The following TG variants were observed in gnomAD, a reference collection of about 807,000 sequenced individuals.
TG encodes the protein thyroglobulin.
TG carries 270 observed loss-of-function variants against 324.7 expected under a neutral mutation model. The ratio of observed to expected loss-of-function variants is 0.83; its 90% CI spans 0.75 to 0.92. The LOEUF is 0.92. TG is among the 40% of genes least tolerant of loss of function. The probability of loss-of-function intolerance (pLI) is 0.00; values close to 1 mark genes in which losing one functional copy is unlikely to be tolerated. For missense variants in TG, 3,591 were observed against 3,456.4 expected (o/e 1.04, Z -0.98); for synonymous variants, 1,401 against 1,327.0 (o/e 1.06, Z -1.21).
rs1815529078 is a variant in TG, at chr8:132,887,102, T to G, written c.1730T>G (p.Phe577Cys). 6.2e-7 allele frequency: 1 copy of G among 1,614,100 alleles called. No homozygotes were observed. The highest frequency in any genetic ancestry group is 1.3e-5 in the African/African-American group (1 of 74,940). Residue 577 changes from phenylalanine to cysteine, a missense_variant, in exon 9 of 48, where the codon TTC becomes TGC. By Grantham distance (205) the Phe-to-Cys change is radical. Transcript: ENST00000220616. ...FLASLLELPE[F>C]LLFLQHAISV... ...GCTTCTCTCCTGGAGCTTCCAGAAT[T>G]CCTTCTCTTCTTGCAACATGCTATC...
intron 8 of TG, 198 bp downstream of exon 8, chr8:132,883,197 G>A (rs1422836185): frequency 4.2e-5 from 26 of 616,178 alleles, no homozygotes; most frequent in Middle Eastern, 4.4e-4. Context: ...AGACCTCGTT[G>A]CATTTTCAGG....
chr8:132,986,925 A>G (rs1339201420), intron 35 of TG, among the ~76,000 whole-genome samples: 1 of 152,234 alleles, frequency 6.6e-6, no homozygotes, highest in East Asian at 1.9e-4. Context: ...AAATTTATAG[A>G]TAAAGAGTGT....
chr8:132,922,310 T>C (rs1435304721), intron 21 of TG, among the ~76,000 whole-genome samples: 1 of 152,170 alleles, frequency 6.6e-6, no homozygotes, highest in African/African-American at 2.4e-5. Flanking sequence ...GAGGTATTCA[T>C]CCATGGATTT....
intron 20 of TG, 22 bp from the exon 21 acceptor site, chr8:132,919,354 T>G (rs780863924): frequency 1.1e-5 from 17 of 1,612,256 alleles, no homozygotes; most frequent in Non-Finnish European, 1.4e-5. Flanking sequence ...ATTTTTAACA[T>G]CATTTCTCTG....
chr8:132,886,728 G>C lies in TG; in HGVS notation c.1356G>C (p.Gly452=), dbSNP rs1327226224. Reference sequence around the variant, plus strand: ...TCCGAGCAATTTTTCCCTCCCGAGGGCTGGCTCGTCTTGCCCTTCAGTTTA... The same window carrying C: ...TCCGAGCAATTTTTCCCTCCCGAGGCCTGGCTCGTCTTGCCCTTCAGTTTA... ...EAIRAIFPSR[G]LARLALQFTT... is the part of the protein sequence containing the mutation. The change falls in exon 9 of 48, where the codon GGG becomes GGC. Residue 452 remains glycine (G), a synonymous_variant. Transcript: ENST00000220616. 1.2e-6 allele frequency: 2 copies of C among 1,614,176 alleles called. No homozygotes were observed. Among genetic ancestry groups the C allele is most frequent in the South Asian group, 2.2e-5 (2 of 91,086 alleles).
chr8:133,097,122 G>GAA (rs2131652200), intron 43 of TG, among the ~76,000 whole-genome samples: 1 of 152,340 alleles, frequency 6.6e-6, no homozygotes, highest in South Asian at 2.1e-4. Context: ...CTCTGGGCGT[G>GAA]GGTGGAGTGC....
chr8:133,133,474 C>G lies in TG; in HGVS notation c.8002C>G (p.Pro2668Ala). The change falls in exon 47 of 48, where the codon CCC (proline) becomes GCC (alanine). Residue 2668 changes from proline (P) to alanine (A), a missense_variant. By Grantham distance (27) the Pro-to-Ala change is conservative. Transcript: ENST00000220616. ...TCTTTCTTCTCATTTGCCCAGAAAT[C>G]CCAACTACCCTTATGAGTTCTCACG... is the stretch of plus-strand genomic sequence containing the variant. The part of the protein sequence containing the change: ...YFSHFIRSGN[P>A]NYPYEFSRKV... The G allele has an allele frequency of 9.9e-6, 16 of 1,614,180 alleles. No individual in the cohort carries two copies. The highest frequency in any genetic ancestry group is 1.4e-5 in the Non-Finnish European group (16 of 1,180,028).
At chr8:132,989,020 A>G in intron 35 of TG, 1 of 442,850 alleles carries the variant, frequency 2.3e-6, no homozygotes, top group Non-Finnish European at 3.0e-6. Flanking sequence ...CAATCATGGC[A>G]GAAGGCAAGG....
At chr8:132,935,645 A>G in intron 24 of TG, 111 bp from the exon 25 acceptor site, 1 of 951,642 alleles carries the variant, frequency 1.1e-6, no homozygotes, top group Non-Finnish European at 1.7e-6. Flanking sequence ...AGGAGCAACT[A>G]ACTTACCTTT....
rs16904818 is a variant in TG at position 133,064,674 on chromosome 8, G to A, written c.7240-30370G>A. ...CTGGCATGGCGTTGCCGTCGACAACGTGGGATATGCCGGCCAGCAGCCCTC... is the reference window on the plus strand; with the variant it reads ...CTGGCATGGCGTTGCCGTCGACAACATGGGATATGCCGGCCAGCAGCCCTC... On this transcript the variant is annotated intron_variant, in intron 41 of 47. Coordinates refer to ENST00000220616, the MANE Select transcript of TG (RefSeq NM_003235.5). Among the ~76,000 whole-genome samples, 767 of 152,326 alleles carry A rather than the reference G, an allele frequency of 5.0e-3. 5 individuals are homozygous for A. The highest frequency in any genetic ancestry group is 0.018 in the African/African-American group (734 of 41,568).
At chr8:132,965,132 A>G (rs574450818) in intron 29 of TG, among the ~76,000 whole-genome samples, 110 of 152,134 alleles carry the variant, frequency 7.2e-4, no homozygotes, top group African/African-American at 2.5e-3. Context: ...CCATTATACA[A>G]TCATGTGAGA....
At position 132,887,272 on chromosome 8, in the gene TG, G is replaced by T. The variant is rs116417639; in HGVS notation, c.1900G>T (p.Gly634Ter). 6.2e-7 allele frequency: 1 copy of T among 1,601,574 alleles called. No homozygotes were observed. Among genetic ancestry groups the T allele is most frequent in the Non-Finnish European group, 8.5e-7 (1 of 1,172,840 alleles). Residue 634 changes from glycine to a stop codon, truncating the protein, a stop_gained, in exon 9 of 48, where the codon GGA becomes TGA. Coordinates refer to ENST00000220616, the MANE Select transcript of TG (RefSeq NM_003235.5). LOFTEE classifies it high-confidence loss of function. ...GSYEDVQCFS[G>*]ECWCVNSWGK... ...CTATGAGGATGTCCAATGCTTTTCC[G>T]GAGAGTGCTGGTGTGTGAATTCCTG...
At chr8:132,945,403 G>A (rs565096237) in intron 26 of TG, among the ~76,000 whole-genome samples, 18 of 152,242 alleles carry the variant, frequency 1.2e-4, no homozygotes, top group South Asian at 2.1e-4. Flanking sequence ...GGCAAAGAAT[G>A]AAAGAGATTG....
At chr8:132,956,880 A>G (rs1371039268) in intron 27 of TG, among the ~76,000 whole-genome samples, 1 of 152,036 alleles carries the variant, frequency 6.6e-6, no homozygotes, top group Non-Finnish European at 1.5e-5. Context: ...GGTTTGGAGG[A>G]GAGGAAGGAT....
At chr8:132,883,368 C>A in intron 8 of TG, 1 of 280,278 alleles carries the variant, frequency 3.6e-6, no homozygotes, top group Non-Finnish European at 6.9e-6. Flanking sequence ...AGGAAGAATG[C>A]ATGGAAGAGG....
intron 43 of TG, among the ~76,000 whole-genome samples, chr8:133,108,631 C>CTTGGAAAG (rs1285961775): frequency 6.6e-6 from 1 of 152,212 alleles, no homozygotes; most frequent in Non-Finnish European, 1.5e-5. Context: ...CCTCCAAGCC[C>CTTGGAAAG]AGACCTTTCC....
chr8:133,006,923 A>G (rs1331458948), intron 35 of TG, among the ~76,000 whole-genome samples: 4 of 152,230 alleles, frequency 2.6e-5, no homozygotes, highest in African/African-American at 9.6e-5. Context: ...GGGCCATAAT[A>G]TGTAGTCAGT....
chr8:133,047,656 C>T (rs1399604561), intron 41 of TG: 23 of 632,208 alleles, frequency 3.6e-5, no homozygotes, highest in Non-Finnish European at 6.1e-5. Flanking sequence ...TCTCTAGTCC[C>T]CTTGCTTCCC....
chr8:132,888,252 A>C lies in TG; in HGVS notation c.2445A>C (p.Gly815=). The C allele has an allele frequency of 6.2e-7, 1 of 1,614,210 alleles. No homozygotes were observed. The highest frequency in any genetic ancestry group is 8.5e-7 in the Non-Finnish European group (1 of 1,180,038). ...TGAGCTACAGAGAAGCAGCTTCCGGAAACTTCAGTCTCTTTATTCAAAGTC... is the reference window on the plus strand; with the variant it reads ...TGAGCTACAGAGAAGCAGCTTCCGGCAACTTCAGTCTCTTTATTCAAAGTC... ...KIMSYREAAS[G]NFSLFIQSLY... The change falls in exon 10 of 48, where the codon GGA becomes GGC. Residue 815 remains glycine (G), a synonymous_variant. Coordinates refer to ENST00000220616, the MANE Select transcript of TG (RefSeq NM_003235.5).
Sources: allele counts gnomAD v4.1 joint callset (sites outside exome capture counted in the v4.1 genomes callset), GRCh38; gene constraint gnomAD v4.1.1; transcripts MANE v1.5; gene names NCBI Gene and HGNC (gene_info 2026-07-23, HGNC 2026-07-21).